TXNDC16: variants seen among roughly 807,000 people sequenced by gnomAD.
The protein encoded by TXNDC16 is thioredoxin domain-containing protein 16.
In TXNDC16, 74 loss-of-function variants were observed where a neutral mutation model predicts 85.6. That is an observed-to-expected ratio of 0.86 (90% CI 0.72 to 1.05). The LOEUF is 1.05. TXNDC16 is among the 50% of genes least tolerant of loss of function. The pLI is 0.00. For missense variants in TXNDC16, 959 were observed against 947.0 expected (o/e 1.01, Z -0.17); for synonymous variants, 335 against 326.5 (o/e 1.03, Z -0.28).
chr14:52,447,058 T>C (rs1411035002), intron 18 of TXNDC16, among the ~76,000 whole-genome samples: 6 of 151,886 alleles, frequency 4.0e-5, no homozygotes, highest in Admixed American at 1.3e-4. Context: ...TCTTGCACCA[T>C]AGGTACCAGC....
intron 9 of TXNDC16, among the ~76,000 whole-genome samples, chr14:52,493,523 C>T (rs1327417157): frequency 6.6e-6 from 1 of 151,762 alleles, no homozygotes; most frequent in Admixed American, 6.6e-5. Flanking sequence ...CCAGAAAGCA[C>T]AACAGAAATA....
intron 14 of TXNDC16, among the ~76,000 whole-genome samples, chr14:52,480,975 G>GTATATATATA (rs141877325): frequency 1.5e-4 from 20 of 134,978 alleles, no homozygotes; most frequent in African/African-American, 5.6e-4. Context: ...ATATATATAT[G>GTATATATATA]TATATATATA....
At chr14:52,539,013 T>C (rs2037768237) in intron 4 of TXNDC16, among the ~76,000 whole-genome samples, 1 of 152,218 alleles carries the variant, frequency 6.6e-6, no homozygotes, top group African/African-American at 2.4e-5. Context: ...ACAATAGATG[T>C]GTCCATTCAT....
intron 6 of TXNDC16, among the ~76,000 whole-genome samples, chr14:52,521,051 C>A (rs574427575): frequency 2.6e-4 from 40 of 151,438 alleles, no homozygotes; most frequent in Non-Finnish European, 5.0e-4. Flanking sequence ...AACATAAATA[C>A]TTTTTATTTA....
chr14:52,511,062 G>A (rs754571438), intron 9 of TXNDC16, among the ~76,000 whole-genome samples, 178 bp downstream of exon 9: 1 of 151,226 alleles, frequency 6.6e-6, no homozygotes, highest in Admixed American at 6.6e-5. Context: ...CTTTAATAAA[G>A]AATTATTCCT....
intron 9 of TXNDC16, among the ~76,000 whole-genome samples, chr14:52,499,556 A>G (rs994328529): frequency 1.3e-5 from 2 of 152,048 alleles, no homozygotes; most frequent in African/African-American, 4.8e-5. Flanking sequence ...CGGGAAAATA[A>G]AACTCGAAAC....
chr14:52,549,668 G>T (rs1361538472), intron 1 of TXNDC16, among the ~76,000 whole-genome samples: 1 of 145,998 alleles, frequency 6.8e-6, no homozygotes, highest in Non-Finnish European at 1.5e-5. Context: ...TCTGAACAGA[G>T]TCTCTGTCAC....
At position 52,491,013 on chromosome 14, in the gene TXNDC16, GAAAAAAA is replaced by G. The variant is rs369712294; in HGVS notation, c.757-15_757-9del. ...ATCTTCAGCAACTTCAGTCTTCATTGAAAAAAAAAAAAAAAAAAGGTGTGATAACAAT... is the reference window on the plus strand; with the variant it reads ...ATCTTCAGCAACTTCAGTCTTCATTGAAAAAAAAAAAGGTGTGATAACAAT... On this transcript the variant is annotated splice_polypyrimidine_tract_variant and intron_variant, in intron 9 of 20. Transcript: ENST00000281741. 1.4e-5 allele frequency: 17 copies of G among 1,195,928 alleles called. No individual in the cohort carries two copies. Among genetic ancestry groups the G allele is most frequent in the Admixed American group, 4.4e-5 (1 of 22,918 alleles). The allele number at this position is 1,195,928 out of a possible 1,614,324, so 74.1% of individuals were successfully genotyped here.
chr14:52,530,272 T>TTATATATTAC (rs1566581948), intron 6 of TXNDC16, among the ~76,000 whole-genome samples: 1 of 62,180 alleles, frequency 1.6e-5, no homozygotes, highest in East Asian at 7.9e-4. Flanking sequence ...ATATATATTA[T>TTATATATTAC]TATTTAATAT....
intron 9 of TXNDC16, among the ~76,000 whole-genome samples, chr14:52,505,904 C>T (rs534468344): frequency 5.3e-4 from 80 of 152,134 alleles, no homozygotes; most frequent in African/African-American, 1.8e-3. Context: ...ACCACCGATC[C>T]CACAGAAATA....
Position 52,439,363 on chromosome 14 carries a change from T to A in TXNDC16, c.2035A>T (p.Arg679Trp), listed in dbSNP as rs2249922. 4.7e-4 allele frequency: 763 copies of A among 1,613,302 alleles called. 1 individual carries two copies. Among genetic ancestry groups the A allele is most frequent in the Non-Finnish European group, 6.0e-4 (710 of 1,179,660 alleles). Residue 679 changes from arginine (R) to tryptophan (W), a missense_variant, in exon 20 of 21, where the codon AGG becomes TGG. By Grantham distance (101) the Arg-to-Trp change is moderately radical (BLOSUM62 -3). Transcript: ENST00000281741. ...GGAGGCAGAGGATCAAAATATGCCC[T>A]CAAGATTCCTCTCCCCACTGGAGTA... ...KNTPVGRGILRAYFDPLPPLP... is the reference protein window; with the variant it reads ...KNTPVGRGILWAYFDPLPPLP...
intron 6 of TXNDC16, among the ~76,000 whole-genome samples, chr14:52,521,924 C>A (rs1161547263): frequency 6.6e-6 from 1 of 152,146 alleles, no homozygotes; most frequent in Non-Finnish European, 1.5e-5. Context: ...CTTCTGACAC[C>A]AAGGCCAGGA....
At chr14:52,470,194 A>AT (rs1566544844) in intron 15 of TXNDC16, 21 bp from the exon 16 acceptor site, 1 of 1,530,514 alleles carries the variant, frequency 6.5e-7, no homozygotes, top group African/African-American at 1.4e-5. Flanking sequence ...ATATAACTAT[A>AT]TTACAAATTA....
chr14:52,437,468 T>C (rs1403403188), intron 20 of TXNDC16, among the ~76,000 whole-genome samples: 3 of 152,076 alleles, frequency 2.0e-5, no homozygotes, highest in Admixed American at 6.6e-5. Flanking sequence ...ACAAAAACAT[T>C]ATAGAAACTC....
intron 4 of TXNDC16, among the ~76,000 whole-genome samples, chr14:52,538,904 G>C (rs890453312): frequency 6.6e-6 from 1 of 152,074 alleles, no homozygotes; most frequent in African/African-American, 2.4e-5. Flanking sequence ...TAGAGAATCA[G>C]AATTAAAGTC....
intron 6 of TXNDC16, among the ~76,000 whole-genome samples, chr14:52,526,523 T>C (rs995852119): frequency 1.3e-5 from 2 of 152,180 alleles, no homozygotes; most frequent in African/African-American, 2.4e-5. Context: ...TCTAGCAAGA[T>C]AGAAAAATGG....
In TXNDC16 at chr14:52,454,713, G is replaced by A. The variant is rs543986799; in HGVS notation, c.1842+611C>T. Among the ~76,000 whole-genome samples the A allele has an allele frequency of 2.4e-3, 364 of 150,226 alleles. 4 individuals are homozygous for A. Among genetic ancestry groups the A allele is most frequent in the African/African-American group, 8.5e-3 (349 of 40,894 alleles). On this transcript the variant is annotated intron_variant, in intron 18 of 20. Coordinates refer to ENST00000281741, the MANE Select transcript of TXNDC16 (RefSeq NM_020784.3). ...CGCCTGTAATCCCAGCTACTTGGGAGGCTGAGGCAGGAGAATTGCTTGAAC... is the reference window on the plus strand; with the variant it reads ...CGCCTGTAATCCCAGCTACTTGGGAAGCTGAGGCAGGAGAATTGCTTGAAC...
At chr14:52,483,583 G>A (rs1425274888) in intron 12 of TXNDC16, among the ~76,000 whole-genome samples, 1 of 152,116 alleles carries the variant, frequency 6.6e-6, no homozygotes, top group Admixed American at 6.5e-5. Flanking sequence ...GACAAGATGG[G>A]GCTGAAAGAA....
chr14:52,434,006 C>G (rs2034967700), intron 20 of TXNDC16, among the ~76,000 whole-genome samples: 1 of 151,940 alleles, frequency 6.6e-6, no homozygotes, highest in Non-Finnish European at 1.5e-5. Context: ...TAGTGGTAGC[C>G]CTTCTCTACA....
Sources: gnomAD v4.1 joint callset for allele counts (sites outside exome capture counted in the v4.1 genomes callset) on GRCh38, gnomAD v4.1.1 for gene constraint, MANE v1.5 for transcripts, NCBI Gene and HGNC (gene_info 2026-07-23, HGNC 2026-07-21) for gene names.